Variants in CDKN2B-AS1 observed in about 807,000 individuals in gnomAD.
CDKN2B-AS1 encodes CDKN2B antisense RNA 1 (non-protein coding).
chr9:22,008,833 T>G, intron 1 of CDKN2B-AS1: 1 of 1,608,860 alleles, frequency 6.2e-7, no homozygotes, highest in East Asian at 2.2e-5. Flanking sequence ...TTGACTCCGT[T>G]GGGATCCGCG....
At chr9:22,099,769 C>G (rs978117338) in intron 4 of CDKN2B-AS1, among the ~76,000 whole-genome samples, 7 of 152,060 alleles carry the variant, frequency 4.6e-5, no homozygotes, top group Admixed American at 4.6e-4. Flanking sequence ...ATGTGCAGTA[C>G]ATATTCAGTA....
At chr9:22,085,675 C>T (rs1383632184) in intron 4 of CDKN2B-AS1, among the ~76,000 whole-genome samples, 11 of 147,500 alleles carry the variant, frequency 7.5e-5, no homozygotes, top group East Asian at 2.0e-4. Flanking sequence ...GAGCCGAGAT[C>T]GTGCCACTGC....
chr9:22,093,641 C>G (rs1825172279), intron 4 of CDKN2B-AS1, among the ~76,000 whole-genome samples: 1 of 138,554 alleles, frequency 7.2e-6, no homozygotes, highest in Non-Finnish European at 1.5e-5. Context: ...GGATTGCAAC[C>G]CCTGCCTTTT....
chr9:22,048,736 A>C (rs1006772848), intron 2 of CDKN2B-AS1, among the ~76,000 whole-genome samples: 5 of 152,202 alleles, frequency 3.3e-5, no homozygotes, highest in African/African-American at 1.2e-4. Context: ...GGGAGAACAC[A>C]GGAGAAGTGG....
At chr9:22,036,600 C>T (rs1194734454) in intron 1 of CDKN2B-AS1, among the ~76,000 whole-genome samples, 1 of 151,962 alleles carries the variant, frequency 6.6e-6, no homozygotes, top group East Asian at 1.9e-4. Flanking sequence ...TTTGTATTCC[C>T]CTATTAATAT....
At chr9:22,090,200 G>A (rs1414020546) in intron 4 of CDKN2B-AS1, among the ~76,000 whole-genome samples, 1 of 152,054 alleles carries the variant, frequency 6.6e-6, no homozygotes, top group Non-Finnish European at 1.5e-5. Context: ...GTGTATATGT[G>A]CCACATTTTC....
intron 1 of CDKN2B-AS1, among the ~76,000 whole-genome samples, chr9:22,020,722 G>T (rs566242232): frequency 6.6e-6 from 1 of 151,868 alleles, no homozygotes; most frequent in Admixed American, 6.6e-5. Flanking sequence ...TTTTTTAATA[G>T]GGGTGTTTTA....
intron 4 of CDKN2B-AS1, among the ~76,000 whole-genome samples, chr9:22,073,964 G>A (rs550485431): frequency 1.8e-4 from 28 of 151,792 alleles, no homozygotes; most frequent in African/African-American, 5.6e-4. Context: ...CCCAGATTCA[G>A]GTGATTCTCC....
chr9:22,068,574 G>T (rs1824160395), intron 4 of CDKN2B-AS1, among the ~76,000 whole-genome samples: 1 of 152,122 alleles, frequency 6.6e-6, no homozygotes, highest in Non-Finnish European at 1.5e-5. Flanking sequence ...GAAGTGTAAG[G>T]GTGTTACTCG....
chr9:22,072,894 G>T (rs996449082), intron 4 of CDKN2B-AS1, among the ~76,000 whole-genome samples: 2 of 152,102 alleles, frequency 1.3e-5, no homozygotes, highest in South Asian at 4.1e-4. Context: ...TGTTTAAATC[G>T]GGAATAATAT....
At chr9:22,075,046 G>A (rs1306194686) in intron 4 of CDKN2B-AS1, among the ~76,000 whole-genome samples, 11 of 152,148 alleles carry the variant, frequency 7.2e-5, no homozygotes, top group African/African-American at 2.4e-4. Context: ...TCCATTCATG[G>A]TAGCAATATA....
chr9:22,122,603 C>A (rs1420374656), intron 4 of CDKN2B-AS1, among the ~76,000 whole-genome samples: 1 of 152,040 alleles, frequency 6.6e-6, no homozygotes, highest in Non-Finnish European at 1.5e-5. Flanking sequence ...TAGTTTAATT[C>A]TTCTGCATAT....
intron 4 of CDKN2B-AS1, among the ~76,000 whole-genome samples, chr9:22,100,346 C>T (rs1041837031): frequency 6.6e-6 from 1 of 152,112 alleles, no homozygotes; most frequent in African/African-American, 2.4e-5. Flanking sequence ...CAACCATAAT[C>T]TTCCATGTTT....
chr9:22,000,512 C>T lies in CDKN2B-AS1; in HGVS notation n.29+5351C>T, dbSNP rs889879701. ...GAAAATATTATAGGTGGCACTTTGG[C>T]AGGAGATTCTGAGAATGGTGAGAGG... On this transcript the variant is annotated intron_variant and non_coding_transcript_variant, in intron 1 of 4. Coordinates refer to ENST00000650946, the Ensembl canonical transcript of CDKN2B-AS1. The surrounding 1 kb of genome is among the most constrained non-coding windows in gnomAD (Gnocchi z 4.1). Among the ~76,000 whole-genome samples the T allele has an allele frequency of 6.6e-6, 1 of 152,124 alleles. No individual in the cohort carries two copies. The highest frequency in any genetic ancestry group is 1.5e-5 in the Non-Finnish European group (1 of 68,008).
chr9:22,053,846 A>T (rs944926655), intron 3 of CDKN2B-AS1, among the ~76,000 whole-genome samples: 7 of 152,208 alleles, frequency 4.6e-5, no homozygotes, highest in Admixed American at 1.3e-4. Context: ...TCACTAGCTA[A>T]TTGTTACAGC....
At chr9:22,049,519 C>T (rs777994483) in intron 3 of CDKN2B-AS1, among the ~76,000 whole-genome samples, 7 of 152,176 alleles carry the variant, frequency 4.6e-5, no homozygotes, top group African/African-American at 7.2e-5. Context: ...CCCTCCAGTA[C>T]ATCTGCTCTT....
intron 4 of CDKN2B-AS1, among the ~76,000 whole-genome samples, chr9:22,077,367 T>G (rs1824536517): frequency 6.6e-6 from 1 of 152,208 alleles, no homozygotes; most frequent in Admixed American, 6.5e-5. Flanking sequence ...ACATGCCATT[T>G]AGGACATTAA....
chr9:22,009,257 T>C (rs1821368978), intron 1 of CDKN2B-AS1: 1 of 533,082 alleles, frequency 1.9e-6, no homozygotes, highest in South Asian at 2.1e-5. Flanking sequence ...GGCCGCAGGG[T>C]GCGGACGCGT....
At chr9:22,068,338 G>A (rs903789959) in intron 4 of CDKN2B-AS1, among the ~76,000 whole-genome samples, 3 of 152,268 alleles carry the variant, frequency 2.0e-5, no homozygotes, top group Middle Eastern at 3.4e-3. Flanking sequence ...GTTAGGGAAG[G>A]AAAGCTCAGA....
Sources: allele counts gnomAD v4.1 joint callset (sites outside exome capture counted in the v4.1 genomes callset), GRCh38; gene constraint gnomAD v4.1.1; non-coding constraint Gnocchi (gnomAD v3.1); transcripts MANE v1.5; gene names NCBI Gene and HGNC (gene_info 2026-07-23, HGNC 2026-07-21).